Variants in PRKCA observed in about 807,000 individuals in gnomAD.
The protein encoded by PRKCA is protein kinase C alpha type.
A neutral mutation model predicts 87.0 loss-of-function variants in PRKCA; 27 were observed. The ratio of observed to expected loss-of-function variants is 0.31; its 90% confidence interval spans 0.23 to 0.43. The LOEUF (loss-of-function observed/expected upper bound fraction) is 0.43. Ranked by LOEUF, PRKCA falls within the 20% of genes least tolerant of loss-of-function variation. The pLI, the probability that PRKCA is intolerant of heterozygous loss-of-function variation, is 1.00. For missense variants in PRKCA, 518 were observed against 852.3 expected (o/e 0.61, Z 4.88); for synonymous variants, 329 against 311.1 (o/e 1.06, Z -0.61).
intron 2 of PRKCA, among the ~76,000 whole-genome samples, chr17:66,463,200 G>T (rs1914933996): frequency 6.6e-6 from 1 of 152,012 alleles, no homozygotes; most frequent in Admixed American, 6.6e-5. Flanking sequence ...CATGCCTGTC[G>T]CCCTGTATAA....
chr17:66,303,422 C>T (rs891823513), intron 1 of PRKCA, among the ~76,000 whole-genome samples: 3 of 152,142 alleles, frequency 2.0e-5, no homozygotes, highest in African/African-American at 7.2e-5. Flanking sequence ...GAGAAACGCG[C>T]CCCGGAGTAA....
chr17:66,352,499 TGAAAG>T (rs889074932), intron 2 of PRKCA, among the ~76,000 whole-genome samples: 1 of 149,980 alleles, frequency 6.7e-6, no homozygotes, highest in Non-Finnish European at 1.5e-5. Flanking sequence ...TTAGGGCAGA[TGAAAG>T]GGAAAGAATA....
intron 14 of PRKCA, among the ~76,000 whole-genome samples, chr17:66,776,383 T>C (rs1458321573): frequency 6.6e-6 from 1 of 152,182 alleles, no homozygotes; most frequent in Non-Finnish European, 1.5e-5. Flanking sequence ...CGATCTCAGC[T>C]CACTGCACCC....
intron 3 of PRKCA, among the ~76,000 whole-genome samples, chr17:66,509,540 C>T (rs1917134132): frequency 6.6e-6 from 1 of 152,166 alleles, no homozygotes; most frequent in Non-Finnish European, 1.5e-5. Flanking sequence ...TTGTTCCATT[C>T]AGGCCTTCAA....
intron 3 of PRKCA, among the ~76,000 whole-genome samples, chr17:66,612,605 A>C (rs1331790797): frequency 6.6e-6 from 1 of 152,186 alleles, no homozygotes; most frequent in African/African-American, 2.4e-5. Flanking sequence ...TGCTGGGAGA[A>C]TACTGAGTTA....
At chr17:66,578,490 T>G (rs752910976) in intron 3 of PRKCA, among the ~76,000 whole-genome samples, 72 of 152,178 alleles carry the variant, frequency 4.7e-4, no homozygotes, top group Non-Finnish European at 8.4e-4. Context: ...CGAGGTGGTC[T>G]CAGCAAGCCT....
chr17:66,430,442 G>A (rs1359548672), intron 2 of PRKCA, among the ~76,000 whole-genome samples: 3 of 151,740 alleles, frequency 2.0e-5, no homozygotes. Flanking sequence ...AGGTCTCCCT[G>A]TAGTCAAAAC....
chr17:66,755,245 C>G (rs937850888), intron 13 of PRKCA, among the ~76,000 whole-genome samples: 1 of 152,228 alleles, frequency 6.6e-6, no homozygotes, highest in African/African-American at 2.4e-5. Context: ...CCCACGCCCC[C>G]CCAGTGCACA....
intron 2 of PRKCA, among the ~76,000 whole-genome samples, chr17:66,401,132 T>A (rs1298931002): frequency 6.6e-6 from 1 of 152,154 alleles, no homozygotes; most frequent in Non-Finnish European, 1.5e-5. Context: ...AAGGGACTGA[T>A]GAGAAGTAGC....
intron 2 of PRKCA, among the ~76,000 whole-genome samples, chr17:66,494,340 T>C (rs1292474290): frequency 6.6e-6 from 1 of 152,166 alleles, no homozygotes; most frequent in African/African-American, 2.4e-5. Flanking sequence ...TTTCTTACAG[T>C]TCTAGAGGCC....
intron 2 of PRKCA, among the ~76,000 whole-genome samples, chr17:66,307,686 G>A (rs1904892928): frequency 6.6e-6 from 1 of 152,054 alleles, no homozygotes; most frequent in South Asian, 2.1e-4. Context: ...CGTATTACTA[G>A]GCTCTAGGGG....
chr17:66,351,164 G>A (rs1475062519), intron 2 of PRKCA, among the ~76,000 whole-genome samples: 1 of 152,224 alleles, frequency 6.6e-6, no homozygotes, highest in Non-Finnish European at 1.5e-5. Flanking sequence ...TGCAGTGAAT[G>A]TGGAATGGGT....
intron 2 of PRKCA, among the ~76,000 whole-genome samples, chr17:66,436,252 T>A (rs1913387858): frequency 6.6e-6 from 1 of 152,092 alleles, no homozygotes; most frequent in Non-Finnish European, 1.5e-5. Flanking sequence ...CAGGGGGAAG[T>A]CTTAGCACTC....
intron 2 of PRKCA, among the ~76,000 whole-genome samples, chr17:66,485,294 G>T (rs1252316914): frequency 2.0e-5 from 3 of 152,148 alleles, no homozygotes; most frequent in Non-Finnish European, 4.4e-5. Context: ...TAGCTCTAGA[G>T]GTAAGACAAA....
intron 2 of PRKCA, among the ~76,000 whole-genome samples, chr17:66,407,050 T>C (rs1406826899): frequency 6.6e-6 from 1 of 152,196 alleles, no homozygotes; most frequent in Non-Finnish European, 1.5e-5. Flanking sequence ...TATTTTTACA[T>C]CATTGCATAG....
intron 5 of PRKCA, chr17:66,677,390 A>G (rs184484306): frequency 2.0e-5 from 3 of 152,370 alleles, no homozygotes; most frequent in Non-Finnish European, 2.9e-5. Flanking sequence ...TATTTTTTAA[A>G]TAAAGTTTTA....
At chr17:66,623,231 G>A (rs1970742423) in intron 3 of PRKCA, among the ~76,000 whole-genome samples, 1 of 152,188 alleles carries the variant, frequency 6.6e-6, no homozygotes, top group South Asian at 2.1e-4. Context: ...AACAATGTAA[G>A]TATCACTTGA....
intron 2 of PRKCA, among the ~76,000 whole-genome samples, chr17:66,457,386 G>A (rs1373565427): frequency 6.6e-6 from 1 of 152,072 alleles, no homozygotes; most frequent in Non-Finnish European, 1.5e-5. Flanking sequence ...CTTCTAATTT[G>A]TTGAGCCTTG....
intron 14 of PRKCA, chr17:66,775,221 T>G: frequency 1.0e-6 from 1 of 964,452 alleles, no homozygotes; most frequent in South Asian, 4.9e-5. Context: ...CATGTGGGGG[T>G]GGGGCACTGA....
Sources: allele counts gnomAD v4.1 joint callset (sites outside exome capture counted in the v4.1 genomes callset), GRCh38; gene constraint gnomAD v4.1.1; transcripts MANE v1.5; gene names NCBI Gene and HGNC (gene_info 2026-07-23, HGNC 2026-07-21).